The following PHLPP2 variants were observed in gnomAD, a reference collection of about 807,000 sequenced individuals.
PHLPP2 encodes the protein PH domain leucine-rich repeat-containing protein phosphatase 2.
In PHLPP2, 66 loss-of-function variants were observed where a neutral mutation model predicts 124.9. The ratio of observed to expected loss-of-function variants is 0.53; its 90% CI spans 0.43 to 0.65. PHLPP2 has a LOEUF of 0.65. PHLPP2 is among the 30% of genes least tolerant of loss of function. The probability of loss-of-function intolerance (pLI) is 0.00; values close to 1 mark genes in which losing one functional copy is unlikely to be tolerated. For synonymous variants in PHLPP2, 681 were observed against 624.7 expected, an observed-to-expected ratio of 1.09 and a Z score of -1.34; for missense variants, 1,685 against 1,600.4, an observed-to-expected ratio of 1.05 and a Z score of -0.90.
intron 13 of PHLPP2, among the ~76,000 whole-genome samples, chr16:71,660,775 T>C (rs2145314823): frequency 6.6e-6 from 1 of 152,272 alleles, no homozygotes; most frequent in South Asian, 2.1e-4. Context: ...CTCGTGCTTT[T>C]TTCCCTTATC....
chr16:71,707,721 C>T (rs12597065), intron 2 of PHLPP2, among the ~76,000 whole-genome samples: 50,731 of 151,996 alleles, frequency 0.33, 9,377 homozygotes, highest in East Asian at 0.76. Flanking sequence ...TTCTAGACCT[C>T]ACCCTATGTG....
At chr16:71,697,183 T>C (rs1259284312) in intron 3 of PHLPP2, among the ~76,000 whole-genome samples, 1 of 39,314 alleles carries the variant, frequency 2.5e-5, no homozygotes, top group Non-Finnish European at 5.0e-5. Flanking sequence ...AATAAATAAA[T>C]AAATAAATAA....
intron 10 of PHLPP2, among the ~76,000 whole-genome samples, chr16:71,670,222 G>A (rs1452752319): frequency 6.6e-6 from 1 of 152,190 alleles, no homozygotes; most frequent in Non-Finnish European, 1.5e-5. Flanking sequence ...TGGAGCACCC[G>A]GAGGAGACGG....
intron 4 of PHLPP2, among the ~76,000 whole-genome samples, chr16:71,688,076 G>C (rs1165810218): frequency 6.6e-6 from 1 of 152,136 alleles, no homozygotes; most frequent in African/African-American, 2.4e-5. Context: ...CATAGTCATC[G>C]TATGACTGCT....
chr16:71,662,283 A>T (rs969308675), intron 13 of PHLPP2, among the ~76,000 whole-genome samples: 1 of 151,946 alleles, frequency 6.6e-6, no homozygotes, highest in African/African-American at 2.4e-5. Context: ...ACAAAAAATT[A>T]GCCAGGTGTG....
At position 71,646,528 on chromosome 16, in the gene PHLPP2, G is replaced by C. The variant is rs375430328; in HGVS notation, c.*2362C>G. On this transcript the variant is annotated 3_prime_UTR_variant, in exon 19 of 19. Coordinates refer to ENST00000568954, the MANE Select transcript of PHLPP2 (RefSeq NM_015020.3). ...TGGGAAACGAATAGCAGACAAGAAG[G>C]GTTCACCATAATGAATAATTTTTAT... The C allele has an allele frequency of 8.6e-5, 13 of 151,992 alleles. No homozygotes were observed. Among genetic ancestry groups the C allele is most frequent in the Admixed American group, 1.3e-4 (2 of 15,244 alleles). The allele number at this position is 151,992 out of a possible 1,614,324, so 9.4% of individuals were successfully genotyped here.
In PHLPP2 at chr16:71,699,250, T is replaced by C. The variant is rs569309515; in HGVS notation, c.418+3348A>G. 2.0e-5 allele frequency among the ~76,000 whole-genome samples: 3 copies of C among 152,282 alleles called. No individual in the cohort carries two copies. In the South Asian group the frequency reaches 6.2e-4, roughly 32 times the overall value. On this transcript the variant is annotated intron_variant, in intron 3 of 18. Coordinates refer to ENST00000568954, the MANE Select transcript of PHLPP2 (RefSeq NM_015020.3). ...TTCGAGCCAAAAAGCCTGAAACCTG[T>C]GGCCCAAAGTGAGAATTTCCATCCC... is the stretch of plus-strand genomic sequence containing the variant.
intron 2 of PHLPP2, among the ~76,000 whole-genome samples, chr16:71,711,273 G>T (rs2045322275): frequency 1.3e-5 from 2 of 151,930 alleles, no homozygotes; most frequent in South Asian, 4.1e-4. Context: ...AGAGGTTGCA[G>T]TGAGCCGAGA....
At chr16:71,695,467 G>A (rs1052855204) in intron 3 of PHLPP2, among the ~76,000 whole-genome samples, 2 of 152,172 alleles carry the variant, frequency 1.3e-5, no homozygotes, top group Non-Finnish European at 2.9e-5. Flanking sequence ...CCAGCACTTT[G>A]GGAGGCCAAG....
chr16:71,663,353 C>T (rs999246741), intron 13 of PHLPP2, among the ~76,000 whole-genome samples: 8 of 152,208 alleles, frequency 5.3e-5, no homozygotes, highest in South Asian at 2.1e-4. Flanking sequence ...ACTTGTGATC[C>T]GCCCGCCTTG....
chr16:71,697,463 C>T (rs1407499653), intron 3 of PHLPP2, among the ~76,000 whole-genome samples: 2 of 152,072 alleles, frequency 1.3e-5, no homozygotes, highest in Non-Finnish European at 2.9e-5. Flanking sequence ...CAGTTATATG[C>T]CCCACTACAA....
chr16:71,691,281 C>T (rs1467262797), intron 3 of PHLPP2, among the ~76,000 whole-genome samples: 1 of 151,828 alleles, frequency 6.6e-6, no homozygotes, highest in African/African-American at 2.4e-5. Context: ...GGTGAAACCC[C>T]GTCTCTACTA....
intron 3 of PHLPP2, among the ~76,000 whole-genome samples, chr16:71,693,003 A>T (rs1251087938): frequency 2.0e-5 from 3 of 152,002 alleles, no homozygotes; most frequent in Admixed American, 2.0e-4. Flanking sequence ...AAAATTCAAC[A>T]TGCCTGGCCA....
chr16:71,702,774 T>C, intron 2 of PHLPP2, 43 bp from the exon 3 acceptor site: 1 of 1,371,750 alleles, frequency 7.3e-7, no homozygotes, highest in Non-Finnish European at 1.0e-6. Context: ...TGGTAAGTAA[T>C]AAAAATGGTT....
At chr16:71,685,017 C>T (rs935433999) in intron 4 of PHLPP2, among the ~76,000 whole-genome samples, 1 of 152,072 alleles carries the variant, frequency 6.6e-6, no homozygotes, top group South Asian at 2.1e-4. Context: ...GAATTCACAG[C>T]ACAAAAATAG....
At chr16:71,667,092 G>T in intron 12 of PHLPP2, 86 bp downstream of exon 12, 1 of 1,177,714 alleles carries the variant, frequency 8.5e-7, no homozygotes, top group Admixed American at 2.2e-5. Context: ...TGTAAATACA[G>T]TTCCAAAGGT....
chr16:71,674,623 T>C (rs753274182), intron 9 of PHLPP2, among the ~76,000 whole-genome samples: 2 of 152,212 alleles, frequency 1.3e-5, no homozygotes, highest in Non-Finnish European at 2.9e-5. Context: ...TGCAAAGCTT[T>C]AGTACATTCA....
chr16:71,655,088 C>G, intron 17 of PHLPP2, 152 bp downstream of exon 17: 1 of 610,490 alleles, frequency 1.6e-6, no homozygotes, highest in Non-Finnish European at 2.9e-6. Context: ...TCCCCGCACT[C>G]CATGCTCATA....
intron 3 of PHLPP2, among the ~76,000 whole-genome samples, chr16:71,694,947 G>C (rs1450638588): frequency 6.6e-6 from 1 of 152,016 alleles, no homozygotes; most frequent in South Asian, 2.1e-4. Context: ...ACCACGCCCG[G>C]CTAATATTTT....
Sources: allele counts gnomAD v4.1 joint callset (sites outside exome capture counted in the v4.1 genomes callset), GRCh38; gene constraint gnomAD v4.1.1; transcripts MANE v1.5; gene names NCBI Gene and HGNC (gene_info 2026-07-23, HGNC 2026-07-21).